Variants in CDH13 observed in about 807,000 individuals in gnomAD.
CDH13 encodes the protein cadherin-13.
A neutral mutation model predicts 63.8 loss-of-function variants in CDH13; 24 were observed. The ratio of observed to expected loss-of-function variants is 0.38; its 90% confidence interval spans 0.27 to 0.53. The LOEUF (loss-of-function observed/expected upper bound fraction) is 0.53, where lower values mean the gene tolerates loss of function less well. Ranked by LOEUF, CDH13 falls within the 20% of genes least tolerant of loss-of-function variation. The pLI is 0.85. For synonymous variants in CDH13, 503 were observed against 355.3 expected (o/e 1.42, Z -4.67); for missense variants, 1,049 against 903.1 (o/e 1.16, Z -2.07).
chr16:83,292,110 A>G (rs1386308369), intron 5 of CDH13, among the ~76,000 whole-genome samples: 1 of 152,204 alleles, frequency 6.6e-6, no homozygotes, highest in Non-Finnish European at 1.5e-5. Context: ...GTCAGGTTGT[A>G]ACAAAACATA....
At chr16:82,944,346 G>C (rs1370633826) in intron 2 of CDH13, among the ~76,000 whole-genome samples, 1 of 152,190 alleles carries the variant, frequency 6.6e-6, no homozygotes, top group African/African-American at 2.4e-5. Flanking sequence ...TACCGATACT[G>C]TGTGTCTGTA....
At chr16:83,152,874 A>G (rs1448259632) in intron 4 of CDH13, among the ~76,000 whole-genome samples, 1 of 152,192 alleles carries the variant, frequency 6.6e-6, no homozygotes, top group Non-Finnish European at 1.5e-5. Flanking sequence ...GTGTCCTTAG[A>G]AAAAGGAAAA....
intron 1 of CDH13, among the ~76,000 whole-genome samples, chr16:82,851,676 CGTGT>C (rs3046491): frequency 1.9e-4 from 29 of 149,708 alleles, no homozygotes; most frequent in Non-Finnish European, 3.0e-4. Context: ...CATGTGTGTA[CGTGT>C]GTGTGTGTGT....
At chr16:82,981,666 T>C (rs1030877039) in intron 2 of CDH13, among the ~76,000 whole-genome samples, 9 of 152,178 alleles carry the variant, frequency 5.9e-5, no homozygotes, top group African/African-American at 2.2e-4. Context: ...CACCATAAAA[T>C]AAAATTTTAA....
intron 3 of CDH13, among the ~76,000 whole-genome samples, chr16:83,035,012 C>A (rs1329910240): frequency 6.6e-6 from 1 of 151,776 alleles, no homozygotes; most frequent in Non-Finnish European, 1.5e-5. Context: ...TCATCTCCCA[C>A]GTCCAGTAAT....
chr16:83,466,808 C>T (rs1017999673), intron 6 of CDH13, among the ~76,000 whole-genome samples: 1 of 152,198 alleles, frequency 6.6e-6, no homozygotes, highest in Non-Finnish European at 1.5e-5. Context: ...ACAGGAACAC[C>T]TTCACATCAT....
intron 2 of CDH13, among the ~76,000 whole-genome samples, chr16:82,903,371 G>T (rs1420262332): frequency 3.3e-5 from 5 of 152,188 alleles, no homozygotes; most frequent in Non-Finnish European, 7.3e-5. Context: ...GTTGGTGTTT[G>T]ACCCTGTGAA....
At chr16:82,707,100 C>T (rs2031555594) in intron 1 of CDH13, among the ~76,000 whole-genome samples, 1 of 152,182 alleles carries the variant, frequency 6.6e-6, no homozygotes, top group African/African-American at 2.4e-5. Context: ...TAGTCACAGG[C>T]AGGTTGTTTT....
At chr16:83,791,627 G>T (rs896070837) in intron 13 of CDH13, among the ~76,000 whole-genome samples, 1 of 151,700 alleles carries the variant, frequency 6.6e-6, no homozygotes, top group Non-Finnish European at 1.5e-5. Flanking sequence ...CCTGACCAAC[G>T]TGGTGAAACC....
At chr16:82,638,986 T>C (rs986824601) in intron 1 of CDH13, among the ~76,000 whole-genome samples, 5 of 152,174 alleles carry the variant, frequency 3.3e-5, no homozygotes, top group Non-Finnish European at 7.3e-5. Context: ...CAATTTTATA[T>C]ACGATGAGAA....
intron 6 of CDH13, among the ~76,000 whole-genome samples, chr16:83,486,146 A>AAAAGAAAAAAAAC (rs2073883775): frequency 6.6e-6 from 1 of 152,094 alleles, no homozygotes; most frequent in Non-Finnish European, 1.5e-5. Flanking sequence ...CTGTCTAAAA[A>AAAAGAAAAAAAAC]AATGAATGTC....
At chr16:83,358,895 A>G (rs1223716110) in intron 6 of CDH13, among the ~76,000 whole-genome samples, 3 of 152,140 alleles carry the variant, frequency 2.0e-5, no homozygotes, top group East Asian at 3.9e-4. Flanking sequence ...TAGTGTAGTT[A>G]TTTTGATTTC....
At chr16:82,674,757 GAAA>G (rs1187075128) in intron 1 of CDH13, among the ~76,000 whole-genome samples, 1 of 152,208 alleles carries the variant, frequency 6.6e-6, no homozygotes, top group African/African-American at 2.4e-5. Context: ...TGGAAAGAAA[GAAA>G]GAAAGACAGG....
chr16:83,418,262 G>GA (rs1406452416), intron 6 of CDH13, among the ~76,000 whole-genome samples: 1 of 152,158 alleles, frequency 6.6e-6, no homozygotes, highest in African/African-American at 2.4e-5. Context: ...GAAAAATTAT[G>GA]AAAAGCATTT....
intron 8 of CDH13, among the ~76,000 whole-genome samples, chr16:83,615,476 G>A (rs567166049): frequency 2.6e-5 from 4 of 152,170 alleles, no homozygotes; most frequent in Non-Finnish European, 5.9e-5. Context: ...CTCTTCCTAT[G>A]AGGCTTTTTA....
At chr16:83,560,268 C>G (rs1022758619) in intron 7 of CDH13, among the ~76,000 whole-genome samples, 10 of 152,148 alleles carry the variant, frequency 6.6e-5, no homozygotes, top group African/African-American at 2.4e-4. Context: ...TCCATAGTTT[C>G]CAGCTCTGAA....
chr16:82,686,872 C>G (rs938579633), intron 1 of CDH13, among the ~76,000 whole-genome samples: 2 of 152,214 alleles, frequency 1.3e-5, no homozygotes, highest in East Asian at 1.9e-4. Flanking sequence ...ACTTCTTACT[C>G]AAGCTACAAC....
chr16:83,193,382 C>T (rs991997655), intron 4 of CDH13, among the ~76,000 whole-genome samples: 6 of 152,282 alleles, frequency 3.9e-5, no homozygotes, highest in Admixed American at 6.5e-5. Flanking sequence ...GAACTTGAAT[C>T]GCAAGCCCTG....
chr16:83,272,450 C>T (rs1344768173), intron 5 of CDH13, among the ~76,000 whole-genome samples: 4 of 152,210 alleles, frequency 2.6e-5, no homozygotes, highest in Non-Finnish European at 4.4e-5. Context: ...TTAGCACTTA[C>T]TACTTAATAC....
Sources: allele counts gnomAD v4.1 joint callset (sites outside exome capture counted in the v4.1 genomes callset), GRCh38; gene constraint gnomAD v4.1.1; transcripts MANE v1.5; gene names NCBI Gene and HGNC (gene_info 2026-07-23, HGNC 2026-07-21).